Variants in RAB37 observed in about 807,000 individuals in gnomAD.
The protein encoded by RAB37 is RAB37, member RAS oncogene family.
Under a neutral mutation model 33.1 loss-of-function variants are expected in RAB37, and 29 were observed. That is an observed-to-expected ratio of 0.88 (90% CI 0.65 to 1.20). RAB37 has a LOEUF of 1.20. RAB37 is among the 50% of genes most tolerant of loss of function. The pLI is 0.00. For synonymous variants in RAB37, 128 were observed against 119.5 expected (o/e 1.07, Z -0.47); for missense variants, 299 against 301.1 (o/e 0.99, Z 0.05).
intron 1 of RAB37, among the ~76,000 whole-genome samples, chr17:74,717,617 A>G (rs916290729): frequency 2.0e-5 from 3 of 151,436 alleles, no homozygotes; most frequent in African/African-American, 7.3e-5. Flanking sequence ...GTTCAAGACC[A>G]GCCTAACCAA....
upstream of RAB37, among the ~76,000 whole-genome samples, chr17:74,734,467 C>G (rs1042667470): frequency 1.3e-5 from 2 of 152,214 alleles, no homozygotes; most frequent in African/African-American, 4.8e-5. Flanking sequence ...CCCATAACAG[C>G]ATGGTTTACA....
At chr17:74,706,144 A>G (rs2033486842) in intron 1 of RAB37, among the ~76,000 whole-genome samples, 1 of 152,038 alleles carries the variant, frequency 6.6e-6, no homozygotes, top group African/African-American at 2.4e-5. Context: ...AAAACTACCA[A>G]TTGGGTACCA....
intron 1 of RAB37, among the ~76,000 whole-genome samples, chr17:74,715,749 C>T (rs117107765): frequency 1.7e-4 from 26 of 152,246 alleles, no homozygotes; most frequent in Admixed American, 5.9e-4. Flanking sequence ...GAATTCAGGC[C>T]GGGCACGGTG....
intron 1 of RAB37, among the ~76,000 whole-genome samples, chr17:74,685,908 G>T (rs369671825): frequency 2.6e-5 from 4 of 152,180 alleles, no homozygotes; most frequent in African/African-American, 9.7e-5. Flanking sequence ...GTTAGTCACC[G>T]TTAATTGGGT....
At chr17:74,708,842 G>C (rs904282474) in intron 1 of RAB37, among the ~76,000 whole-genome samples, 5 of 151,616 alleles carry the variant, frequency 3.3e-5, no homozygotes, top group Non-Finnish European at 5.9e-5. Flanking sequence ...GTGAACCCGG[G>C]GGGGCGGAGC....
intron 1 of RAB37, among the ~76,000 whole-genome samples, chr17:74,700,808 AC>A (rs1193065585): frequency 6.6e-6 from 1 of 151,016 alleles, no homozygotes; most frequent in Non-Finnish European, 1.5e-5. Context: ...GTACACCACC[AC>A]CCCCCCACCC....
intron 1 of RAB37, among the ~76,000 whole-genome samples, chr17:74,699,938 C>T (rs1470664816): frequency 6.6e-6 from 1 of 151,880 alleles, no homozygotes; most frequent in African/African-American, 2.4e-5. Context: ...GTCAGGAGTT[C>T]AAGACCAGCC....
chr17:74,744,253 A>C lies in RAB37; in HGVS notation c.367-55A>C. 1.3e-6 allele frequency: 2 copies of C among 1,538,404 alleles called. No homozygotes were observed. The highest frequency in any genetic ancestry group is 1.8e-6 in the Non-Finnish European group (2 of 1,118,984). The stretch of plus-strand genomic sequence containing the variant: ...TGAGGATAGTCAAACGGAGCAGAAG[A>C]AGAAAGGGGCAGCAGGAGGAAGAGA... On this transcript the variant is annotated intron_variant, in intron 5 of 8. Coordinates refer to ENST00000392613, the MANE Select transcript of RAB37 (RefSeq NM_001006638.3). The surrounding 1 kb of genome is among the most constrained non-coding windows in gnomAD (Gnocchi z 4.2).
chr17:74,699,602 C>A (rs1186647173), intron 1 of RAB37, among the ~76,000 whole-genome samples: 1 of 152,172 alleles, frequency 6.6e-6, no homozygotes, highest in African/African-American at 2.4e-5. Flanking sequence ...CAGGCGCCCA[C>A]CAGCAGCTGG....
intron 1 of RAB37, chr17:74,695,584 C>A (rs747483736): frequency 5.6e-6 from 7 of 1,242,130 alleles, no homozygotes; most frequent in East Asian, 2.5e-5. Context: ...CTAGGCGAGT[C>A]CTGCAGTGAC....
At position 74,745,471 on chromosome 17, in the gene RAB37, G is replaced by C. The variant is rs1035916489; in HGVS notation, c.*60G>C. Reference sequence around the variant, plus strand: ...ACAGGATGCAGCCTTCCCCCTCCCAGGCCTGGCTTATTCCAAGAGGCTGAG... The same window carrying C: ...ACAGGATGCAGCCTTCCCCCTCCCACGCCTGGCTTATTCCAAGAGGCTGAG... On this transcript the variant is annotated 3_prime_UTR_variant, in exon 9 of 9. Coordinates refer to ENST00000392613, the MANE Select transcript of RAB37 (RefSeq NM_001006638.3). The surrounding 1 kb of genome is among the most constrained non-coding windows in gnomAD (Gnocchi z 4.5). 7.1e-6 allele frequency: 10 copies of C among 1,401,464 alleles called. No homozygotes were observed. In the African/African-American group the frequency reaches 1.3e-4, roughly 18 times the overall value. The allele number at this position is 1,401,464 out of a possible 1,614,324, so 86.8% of individuals were successfully genotyped here.
intron 1 of RAB37, among the ~76,000 whole-genome samples, chr17:74,681,073 C>T (rs1209801222): frequency 1.3e-5 from 2 of 152,244 alleles, no homozygotes; most frequent in East Asian, 3.8e-4. Context: ...CTTCATTCCC[C>T]AAGGAGCTGC....
chr17:74,728,585 T>C (rs2034337913), intron 1 of RAB37, among the ~76,000 whole-genome samples: 2 of 152,034 alleles, frequency 1.3e-5, no homozygotes, highest in African/African-American at 4.8e-5. Context: ...GTTCTGTGCA[T>C]ATGTGTTGTA....
At position 74,730,361 on chromosome 17, in the gene RAB37, C is replaced by T. The variant is rs569991086; in HGVS notation, c.183+995C>T. Among the ~76,000 whole-genome samples, 116 of 152,292 alleles carry T rather than the reference C, an allele frequency of 7.6e-4. No homozygotes were observed. The highest frequency in any genetic ancestry group is 2.6e-3 in the African/African-American group (110 of 41,554). On this transcript the variant is annotated intron_variant, in intron 2 of 7. Coordinates refer to the RAB37 transcript ENST00000340415. The surrounding 1 kb of genome is among the most constrained non-coding windows in gnomAD (Gnocchi z 4.4). ...ACTGATGGGAAGAGAGAGAGGAAAA[C>T]TCAGAAAAATGGGCTTGCCCACTGG... is the stretch of plus-strand genomic sequence containing the variant.
At chr17:74,735,235 G>A (rs1282849943), upstream of RAB37, among the ~76,000 whole-genome samples, 1 of 151,336 alleles carries the variant, frequency 6.6e-6, no homozygotes, top group Non-Finnish European at 1.5e-5. Context: ...GGGAGGGAAG[G>A]GGAGAGAAAA....
intron 1 of RAB37, among the ~76,000 whole-genome samples, chr17:74,720,047 A>T (rs1019103015): frequency 2.0e-5 from 3 of 152,166 alleles, no homozygotes; most frequent in African/African-American, 4.8e-5. Flanking sequence ...TTGCTTAATA[A>T]TGAACTTTCT....
At chr17:74,740,957 C>A in intron 2 of RAB37, 79 bp downstream of exon 2, 1 of 1,044,112 alleles carries the variant, frequency 9.6e-7, no homozygotes, top group Non-Finnish European at 1.5e-6. Context: ...CCCCACCTTG[C>A]TCACCCTGGC....
intron 1 of RAB37, chr17:74,698,709 A>T: frequency 9.1e-7 from 1 of 1,099,086 alleles, no homozygotes; most frequent in Non-Finnish European, 1.2e-6. Context: ...CTACTTGAGG[A>T]TGGAGGGTGG....
At chr17:74,693,695 G>A (rs563686772) in intron 1 of RAB37, among the ~76,000 whole-genome samples, 16 of 152,206 alleles carry the variant, frequency 1.1e-4, no homozygotes, top group Admixed American at 3.3e-4. Context: ...TTGGGAGGTC[G>A]AGATAGGCAG....
Sources: gnomAD v4.1 joint callset for allele counts (sites outside exome capture counted in the v4.1 genomes callset) on GRCh38, gnomAD v4.1.1 for gene constraint, Gnocchi (gnomAD v3.1) non-coding constraint, MANE v1.5 for transcripts, NCBI Gene and HGNC (gene_info 2026-07-23, HGNC 2026-07-21) for gene names.